FLT1: variants seen among roughly 807,000 people sequenced by gnomAD.
FLT1 encodes the protein fms related receptor tyrosine kinase 1.
Under a neutral mutation model 156.3 loss-of-function variants are expected in FLT1, and 49 were observed. The observed-to-expected ratio is 0.31, with a 90% CI of 0.25 to 0.40. The LOEUF (loss-of-function observed/expected upper bound fraction) is 0.40. Ranked by LOEUF, FLT1 falls within the 10% of genes least tolerant of loss-of-function variation. FLT1 has a pLI of 1.00. For synonymous variants in FLT1, 594 were observed against 583.8 expected (o/e 1.02, Z -0.25); for missense variants, 1,322 against 1,637.2 (o/e 0.81, Z 3.32).
At chr13:28,474,668 G>A (rs1425645406) in intron 1 of FLT1, among the ~76,000 whole-genome samples, 1 of 152,112 alleles carries the variant, frequency 6.6e-6, no homozygotes, top group Admixed American at 6.5e-5. Context: ...TTGCGGGGAG[G>A]GGATGGAGGG....
intron 16 of FLT1, 117 bp downstream of exon 16, chr13:28,345,328 G>A (rs1872524174): frequency 9.9e-6 from 7 of 706,344 alleles, no homozygotes; most frequent in South Asian, 3.0e-5. Context: ...TCAGAGATAG[G>A]AATGAGAGGG....
intron 10 of FLT1, among the ~76,000 whole-genome samples, chr13:28,423,849 GA>G (rs1311259371): frequency 6.6e-6 from 1 of 152,212 alleles, no homozygotes; most frequent in Non-Finnish European, 1.5e-5. Context: ...CTGAGGATGA[GA>G]AAAATAAAAT....
chr13:28,335,191 T>C (rs1365745071), intron 17 of FLT1, among the ~76,000 whole-genome samples: 1 of 152,118 alleles, frequency 6.6e-6, no homozygotes, highest in Non-Finnish European at 1.5e-5. Context: ...CAGCATGATA[T>C]ACCCAAAGAA....
At chr13:28,398,893 G>A (rs914136365) in intron 11 of FLT1, 38 of 619,634 alleles carry the variant, frequency 6.1e-5, no homozygotes, top group African/African-American at 1.1e-4. Context: ...CAAGGAAAGC[G>A]CATATGAAGG....
chr13:28,424,425 G>A (rs907185364), intron 10 of FLT1, among the ~76,000 whole-genome samples: 1 of 151,968 alleles, frequency 6.6e-6, no homozygotes, highest in Non-Finnish European at 1.5e-5. Context: ...TCAAAACTTA[G>A]CTCGCCTTCA....
intron 1 of FLT1, among the ~76,000 whole-genome samples, chr13:28,468,989 A>G (rs1309897201): frequency 6.6e-6 from 1 of 152,146 alleles, no homozygotes; most frequent in Non-Finnish European, 1.5e-5. Context: ...GAATACTATC[A>G]CTAAGGATCT....
At position 28,390,062 on chromosome 13, in the gene FLT1, G is replaced by A. The variant is rs745653714; in HGVS notation, c.1703C>T (p.Thr568Met). ...AGACAGTTTCAGGTCCTCTCCTTCC[G>A]TCGGCATTTTTTCCAAGTTAACATG... is the stretch of plus-strand genomic sequence containing the variant. ...GFHVNLEKMP[T>M]EGEDLKLSCT... The change falls in exon 13 of 30, where the codon ACG (threonine) becomes ATG (methionine). Residue 568 changes from threonine to methionine, a missense_variant. Thr to Met is a moderately conservative substitution (Grantham distance 81, BLOSUM62 -1). Transcript: ENST00000282397. 5.5e-5 allele frequency: 88 copies of A among 1,613,952 alleles called. No homozygotes were observed. The highest frequency in any genetic ancestry group is 1.2e-4 in the Admixed American group (7 of 59,990).
intron 11 of FLT1, among the ~76,000 whole-genome samples, chr13:28,403,555 A>G (rs1014036662): frequency 6.6e-6 from 1 of 152,236 alleles, no homozygotes; most frequent in Admixed American, 6.5e-5. Flanking sequence ...AAATAGCACT[A>G]GAAGTTACCA....
intron 15 of FLT1, among the ~76,000 whole-genome samples, chr13:28,347,217 C>G (rs932849402): frequency 2.0e-5 from 3 of 152,072 alleles, no homozygotes; most frequent in African/African-American, 4.8e-5. Flanking sequence ...GCAGAGGAAA[C>G]AGTATGAGTA....
intron 13 of FLT1, chr13:28,387,759 A>G (rs1874452583): frequency 9.6e-7 from 1 of 1,042,930 alleles, no homozygotes; most frequent in Non-Finnish European, 1.2e-6. Flanking sequence ...CCAGGGTAAC[A>G]TACCCCTAGG....
chr13:28,315,084 G>T (rs1181048316), intron 25 of FLT1, among the ~76,000 whole-genome samples: 1 of 152,170 alleles, frequency 6.6e-6, no homozygotes, highest in Non-Finnish European at 1.5e-5. Context: ...TACCAACGCA[G>T]GCTTGAGCAA....
intron 15 of FLT1, among the ~76,000 whole-genome samples, chr13:28,349,665 T>A (rs957393150): frequency 2.6e-5 from 4 of 152,216 alleles, no homozygotes; most frequent in Non-Finnish European, 5.9e-5. Flanking sequence ...GAGGCCCCCT[T>A]GATTGTGGGA....
chr13:28,403,756 T>C (rs1875606366), intron 11 of FLT1, among the ~76,000 whole-genome samples: 1 of 152,190 alleles, frequency 6.6e-6, no homozygotes, highest in Admixed American at 6.5e-5. Flanking sequence ...ATTAAAAATA[T>C]CTGAAGGCCG....
At chr13:28,435,624 G>A (rs984600233) in intron 4 of FLT1, among the ~76,000 whole-genome samples, 2 of 152,172 alleles carry the variant, frequency 1.3e-5, no homozygotes, top group African/African-American at 4.8e-5. Context: ...GCTCTATCCA[G>A]TTATCATTTA....
intron 4 of FLT1, among the ~76,000 whole-genome samples, chr13:28,437,110 A>G (rs1469105772): frequency 6.6e-6 from 1 of 152,164 alleles, no homozygotes; most frequent in East Asian, 1.9e-4. Context: ...ACACTCTGGA[A>G]ACCAGGGTGT....
intron 3 of FLT1, among the ~76,000 whole-genome samples, chr13:28,446,126 T>G (rs550212828): frequency 6.6e-6 from 1 of 152,268 alleles, no homozygotes; most frequent in East Asian, 1.9e-4. Context: ...ATGAAAACAC[T>G]CAGGAAAATG....
chr13:28,482,851 T>G (rs1880938803), intron 1 of FLT1, among the ~76,000 whole-genome samples: 1 of 152,258 alleles, frequency 6.6e-6, no homozygotes, highest in Non-Finnish European at 1.5e-5. Flanking sequence ...GCCTTCTAAG[T>G]GACTTTGCGT....
chr13:28,413,391 C>G (rs180799033), intron 10 of FLT1, among the ~76,000 whole-genome samples: 4 of 141,656 alleles, frequency 2.8e-5, no homozygotes, highest in African/African-American at 1.0e-4. Flanking sequence ...GCCAGACACT[C>G]TCTCCCTCCC....
intron 14 of FLT1, among the ~76,000 whole-genome samples, chr13:28,367,814 C>T (rs913150739): frequency 2.6e-5 from 4 of 152,174 alleles, no homozygotes; most frequent in Non-Finnish European, 5.9e-5. Context: ...ACTTAGAGAA[C>T]ATTATATTCA....
Sources: allele counts gnomAD v4.1 joint callset (sites outside exome capture counted in the v4.1 genomes callset), GRCh38; gene constraint gnomAD v4.1.1; transcripts MANE v1.5; gene names NCBI Gene and HGNC (gene_info 2026-07-23, HGNC 2026-07-21).